Variants in PLEKHA7 observed in about 807,000 individuals in gnomAD.
PLEKHA7 encodes the protein pleckstrin homology domain containing A7, also known as pleckstrin homology domain-containing family A member 7.
Under a neutral mutation model 170.0 loss-of-function variants are expected in PLEKHA7, and 104 were observed. The ratio of observed to expected loss-of-function variants is 0.61; its 90% CI spans 0.52 to 0.72. The LOEUF (loss-of-function observed/expected upper bound fraction) is 0.72, where lower values mean the gene tolerates loss of function less well. PLEKHA7 is among the 30% of genes least tolerant of loss of function. The probability of loss-of-function intolerance (pLI) is 0.00; values close to 1 mark genes in which losing one functional copy is unlikely to be tolerated. For synonymous variants in PLEKHA7, 648 were observed against 660.8 expected, an observed-to-expected ratio of 0.98 and a Z score of 0.30; for missense variants, 1,615 against 1,671.7, an observed-to-expected ratio of 0.97 and a Z score of 0.59.
At chr11:16,812,353 A>G in intron 13 of PLEKHA7, 1 of 152,228 alleles carries the variant, frequency 6.6e-6, no homozygotes, top group East Asian at 1.9e-4. Context: ...GTAGGGAGGC[A>G]CGCCACCCCT....
chr11:16,787,342 G>T, intron 23 of PLEKHA7: 1 of 566,672 alleles, frequency 1.8e-6, no homozygotes, highest in Non-Finnish European at 2.2e-6. Flanking sequence ...GATGCCTCAA[G>T]TCCCTCCAGA....
rs371102255 is a variant in PLEKHA7 at position 16,942,076 on chromosome 11, T to C, written c.222-70894A>G. ...AAGGATCTTACATGTATTTGCTCAA[T>C]TAACCCTCACCACAGGTTCTATGAA... is the stretch of plus-strand genomic sequence containing the variant. On this transcript the variant is annotated intron_variant, in intron 3 of 26. Coordinates refer to ENST00000531066, the MANE Select transcript of PLEKHA7 (RefSeq NM_001329630.2). Among the ~76,000 whole-genome samples, 5 of 152,244 alleles carry C rather than the reference T, an allele frequency of 3.3e-5. No homozygotes were observed. The South Asian group carries it at 8.3e-4, about 25-fold the overall frequency.
chr11:16,994,195 T>A (rs12289440), intron 3 of PLEKHA7, among the ~76,000 whole-genome samples: 1 of 152,194 alleles, frequency 6.6e-6, no homozygotes, highest in Non-Finnish European at 1.5e-5. Flanking sequence ...ACAGGACTTC[T>A]GTGCACTGTG....
chr11:16,900,802 A>T (rs2041236), intron 3 of PLEKHA7, among the ~76,000 whole-genome samples: 70,041 of 151,732 alleles, frequency 0.46, 16,663 homozygotes, highest in Non-Finnish European at 0.53. Flanking sequence ...AGGACAGAAA[A>T]TCTCTAACTA....
At chr11:16,893,215 C>T in intron 3 of PLEKHA7, among the ~76,000 whole-genome samples, 1 of 152,346 alleles carries the variant, frequency 6.6e-6, no homozygotes, top group East Asian at 1.9e-4. Context: ...TCCAAGACCA[C>T]ACATTTCAAA....
At chr11:17,012,059 C>A (rs1013826506) in intron 3 of PLEKHA7, among the ~76,000 whole-genome samples, 5 of 152,196 alleles carry the variant, frequency 3.3e-5, no homozygotes, top group Non-Finnish European at 7.3e-5. Flanking sequence ...CACCCTCAGG[C>A]AAGCCACTTC....
chr11:16,969,056 A>G lies in PLEKHA7; in HGVS notation c.221+44933T>C, dbSNP rs554926816. Among the ~76,000 whole-genome samples, 31 of 152,272 alleles carry G rather than the reference A, an allele frequency of 2.0e-4. No individual in the cohort carries two copies. The South Asian group carries it at 5.6e-3, about 28-fold the overall frequency. ...AGAAGGCCGAGCTTATGGGCCATGCAAAGGAAACTGAAGGGGTTTTAGGGT... is the reference window on the plus strand; with the variant it reads ...AGAAGGCCGAGCTTATGGGCCATGCGAAGGAAACTGAAGGGGTTTTAGGGT... On this transcript the variant is annotated intron_variant, in intron 3 of 26. Coordinates refer to ENST00000531066, the MANE Select transcript of PLEKHA7 (RefSeq NM_001329630.2).
chr11:17,001,706 A>C (rs1194003061), intron 3 of PLEKHA7, among the ~76,000 whole-genome samples: 2 of 150,390 alleles, frequency 1.3e-5, no homozygotes, highest in East Asian at 4.0e-4. Context: ...ACTCCAAGCT[A>C]CAAGAGGTAG....
rs562884857 is a variant in PLEKHA7 at position 16,930,933 on chromosome 11, G to T, written c.222-59751C>A. Among the ~76,000 whole-genome samples, 28 of 152,216 alleles carry T rather than the reference G, an allele frequency of 1.8e-4. 1 individual carries two copies. The South Asian group carries it at 5.6e-3, about 30-fold the overall frequency. On this transcript the variant is annotated intron_variant, in intron 3 of 26. Transcript: ENST00000531066. ...AGGGACAGAAATGAGGCTCCCTGCC[G>T]CACCTAAGCTGGAAACATGGAGCAC...
intron 3 of PLEKHA7, among the ~76,000 whole-genome samples, chr11:16,959,980 G>C (rs1861946730): frequency 6.6e-6 from 1 of 152,132 alleles, no homozygotes; most frequent in East Asian, 1.9e-4. Flanking sequence ...CCCCCCAAGG[G>C]ATCTACTGAC....
chr11:16,794,413 T>C, intron 19 of PLEKHA7, 75 bp downstream of exon 19: 1 of 1,443,404 alleles, frequency 6.9e-7, no homozygotes, highest in Non-Finnish European at 9.7e-7. Flanking sequence ...TTCCCAGGAG[T>C]TTCTCTCCCA....
At chr11:16,913,266 T>C (rs1858386343) in intron 3 of PLEKHA7, among the ~76,000 whole-genome samples, 1 of 152,152 alleles carries the variant, frequency 6.6e-6, no homozygotes, top group Non-Finnish European at 1.5e-5. Context: ...AAAGAATGAA[T>C]CTGATAGACC....
At chr11:16,830,403 G>T (rs1040713188) in intron 9 of PLEKHA7, among the ~76,000 whole-genome samples, 1 of 152,196 alleles carries the variant, frequency 6.6e-6, no homozygotes, top group East Asian at 1.9e-4. Context: ...AGTCGCTGAA[G>T]ATTTAGAATC....
At chr11:16,823,292 C>T (rs1850387411) in intron 10 of PLEKHA7, among the ~76,000 whole-genome samples, 1 of 152,120 alleles carries the variant, frequency 6.6e-6, no homozygotes, top group South Asian at 2.1e-4. Context: ...AGGTATCAAC[C>T]CCCATACCTG....
chr11:16,894,880 A>G (rs1376261305), intron 3 of PLEKHA7, among the ~76,000 whole-genome samples: 2 of 152,180 alleles, frequency 1.3e-5, no homozygotes, highest in Non-Finnish European at 2.9e-5. Context: ...ATCACATCAT[A>G]ACATATTACA....
chr11:17,002,771 C>T (rs1175650428), intron 3 of PLEKHA7, among the ~76,000 whole-genome samples: 1 of 152,148 alleles, frequency 6.6e-6, no homozygotes, highest in Non-Finnish European at 1.5e-5. Context: ...AAGAAGCAGA[C>T]ATCTGTGCAG....
chr11:16,907,472 A>G (rs1857888417), intron 3 of PLEKHA7, among the ~76,000 whole-genome samples: 1 of 108,056 alleles, frequency 9.3e-6, no homozygotes. Flanking sequence ...GGAAGTAAGG[A>G]GCCCCTCTGC....
intron 3 of PLEKHA7, among the ~76,000 whole-genome samples, chr11:16,908,633 T>C (rs1858031969): frequency 6.6e-6 from 1 of 152,006 alleles, no homozygotes; most frequent in Non-Finnish European, 1.5e-5. Flanking sequence ...GTAGCTGGGA[T>C]TACAGGCATG....
At position 16,793,783 on chromosome 11, in the gene PLEKHA7, C is replaced by T. The variant is rs540625777; in HGVS notation, c.2745+705G>A. Among the ~76,000 whole-genome samples, 5 of 152,328 alleles carry T rather than the reference C, an allele frequency of 3.3e-5. No individual in the cohort carries two copies. The South Asian group carries it at 8.3e-4, about 25-fold the overall frequency. ...GAGCTTGGCCCCTTTCTATGCCAGG[C>T]AAACCAAGGTGCTGGCCCAGTCAGC... On this transcript the variant is annotated intron_variant, in intron 19 of 26. Transcript: ENST00000531066.
Sources: gnomAD v4.1 joint callset for allele counts (sites outside exome capture counted in the v4.1 genomes callset) on GRCh38, gnomAD v4.1.1 for gene constraint, MANE v1.5 for transcripts, NCBI Gene and HGNC (gene_info 2026-07-23, HGNC 2026-07-21) for gene names.